Variants in PTPN14 observed in about 807,000 individuals in gnomAD.
PTPN14 encodes tyrosine-protein phosphatase non-receptor type 14.
A neutral mutation model predicts 126.8 loss-of-function variants in PTPN14; 53 were observed. That is an observed-to-expected ratio of 0.42 (90% CI 0.34 to 0.53). PTPN14 has a LOEUF of 0.53. Among genes scored for constraint, PTPN14 ranks in the 20% least tolerant of loss-of-function variants. PTPN14 has a pLI of 0.08. For missense variants in PTPN14, 1,257 were observed against 1,552.9 expected (o/e 0.81, Z 3.20); for synonymous variants, 630 against 599.3 (o/e 1.05, Z -0.75).
chr1:214,385,984 G>T (rs1658599341), intron 12 of PTPN14, among the ~76,000 whole-genome samples: 1 of 152,138 alleles, frequency 6.6e-6, no homozygotes, highest in East Asian at 1.9e-4. Flanking sequence ...ATTCAAAATG[G>T]CCAGGAGTTG....
At chr1:214,416,570 C>T (rs890369532) in intron 3 of PTPN14, among the ~76,000 whole-genome samples, 3 of 152,160 alleles carry the variant, frequency 2.0e-5, no homozygotes, top group African/African-American at 7.2e-5. Context: ...ACACCAGGAA[C>T]ATTCCTAATC....
chr1:214,380,280 A>AG (rs1658442689), intron 13 of PTPN14, among the ~76,000 whole-genome samples: 2 of 152,150 alleles, frequency 1.3e-5, no homozygotes. Context: ...CTGCACTGTA[A>AG]GGTGACCCTA....
Position 214,390,891 on chromosome 1 carries a change from ACCT to A in PTPN14, c.987+94_987+96del, listed in dbSNP as rs1053935708. On this transcript the variant is annotated intron_variant, in intron 11 of 18. Transcript: ENST00000366956. ...CGCCTCTGTGTTCTCACAAAATTTCACCTCATCATGATGCCCTCATCATCCCCC... is the reference window on the plus strand; with the variant it reads ...CGCCTCTGTGTTCTCACAAAATTTCACATCATGATGCCCTCATCATCCCCC... 1.9e-4 allele frequency: 195 copies of A among 1,032,130 alleles called. No homozygotes were observed. In the African/African-American group the frequency reaches 2.9e-3, roughly 16 times the overall value. 63.9% of individuals were successfully genotyped at this position (1,032,130 alleles called of 1,614,324 possible).
rs781034500 is a variant in PTPN14 at position 214,402,880 on chromosome 1, T to C, written c.581+3A>G. 6.2e-7 allele frequency: 1 copy of C among 1,613,892 alleles called. No homozygotes were observed. Among genetic ancestry groups the C allele is most frequent in the South Asian group, 1.1e-5 (1 of 91,070 alleles). ...GCAGCCCCTTACCCTCTGCCTGCCT[T>C]ACCTGTGGGCTTTGTGTTCTTGGGC... On this transcript the variant is annotated splice_donor_region_variant and intron_variant, in intron 6 of 18. Transcript: ENST00000366956.
chr1:214,481,405 G>C (rs1660982412), intron 1 of PTPN14, among the ~76,000 whole-genome samples: 1 of 150,664 alleles, frequency 6.6e-6, no homozygotes, highest in Admixed American at 6.6e-5. Context: ...CAGCTACTTG[G>C]GAGGCTGAGG....
intron 8 of PTPN14, 115 bp from the exon 9 acceptor site, chr1:214,395,101 AT>A (rs1658847978): frequency 1.1e-6 from 1 of 894,916 alleles, no homozygotes; most frequent in Non-Finnish European, 1.8e-6. Flanking sequence ...TGATTTAACT[AT>A]TTTTTAAGTG....
intron 3 of PTPN14, 88 bp from the exon 4 acceptor site, chr1:214,414,814 C>G: frequency 9.7e-7 from 1 of 1,033,556 alleles, no homozygotes; most frequent in South Asian, 1.3e-5. Context: ...GATGTAAAAC[C>G]TTGTGTACAC....
intron 1 of PTPN14, among the ~76,000 whole-genome samples, chr1:214,492,043 T>G (rs994264623): frequency 4.6e-5 from 7 of 152,180 alleles, no homozygotes; most frequent in African/African-American, 1.7e-4. Flanking sequence ...TCATTTCAAA[T>G]AGAGGATTTT....
intron 1 of PTPN14, among the ~76,000 whole-genome samples, chr1:214,482,472 T>A (rs529665899): frequency 6.6e-6 from 1 of 152,208 alleles, no homozygotes; most frequent in Admixed American, 6.5e-5. Flanking sequence ...CACCAACATT[T>A]TAGGTTGCAC....
At chr1:214,515,271 C>T (rs1223302819) in intron 1 of PTPN14, among the ~76,000 whole-genome samples, 1 of 151,940 alleles carries the variant, frequency 6.6e-6, no homozygotes. Flanking sequence ...AAAAAATACT[C>T]TTAGATGTAA....
intron 1 of PTPN14, among the ~76,000 whole-genome samples, chr1:214,513,409 T>C (rs1655023882): frequency 1.3e-5 from 2 of 151,482 alleles, no homozygotes; most frequent in African/African-American, 4.9e-5. Flanking sequence ...AACATCAAAA[T>C]ATCTCACATA....
intron 11 of PTPN14, among the ~76,000 whole-genome samples, chr1:214,390,481 T>TA (rs1658723425): frequency 6.6e-6 from 1 of 152,214 alleles, no homozygotes; most frequent in African/African-American, 2.4e-5. Context: ...TGATTTTTTT[T>TA]AAAAGGCCTA....
rs139038491 is a variant in PTPN14, at chr1:214,533,078, G to T, written c.-155+18105C>A. The T allele has an allele frequency of 3.4e-5, 25 of 736,902 alleles. No individual in the cohort carries two copies. The East Asian group carries it at 6.2e-4, about 18-fold the overall frequency. 45.6% of individuals were successfully genotyped at this position (736,902 alleles called of 1,614,324 possible). A position where few individuals can be genotyped will look rare whatever the true frequency, so the allele number is the denominator to read the frequency against. On this transcript the variant is annotated intron_variant, in intron 1 of 18. Coordinates refer to ENST00000366956, the MANE Select transcript of PTPN14 (RefSeq NM_005401.5). ...GAGATGACACTCACGGAGCTGGGACGTACGGTCCAGTCCTTGGAGATCGAC... is the reference window on the plus strand; with the variant it reads ...GAGATGACACTCACGGAGCTGGGACTTACGGTCCAGTCCTTGGAGATCGAC...
At chr1:214,475,924 G>T (rs4233305) in intron 1 of PTPN14, among the ~76,000 whole-genome samples, 2 of 152,218 alleles carry the variant, frequency 1.3e-5, no homozygotes, top group African/African-American at 4.8e-5. Context: ...CGCAGAAAGA[G>T]GGTTATCAGC....
chr1:214,452,610 C>G (rs535549461), intron 2 of PTPN14, among the ~76,000 whole-genome samples: 1 of 152,312 alleles, frequency 6.6e-6, no homozygotes, highest in South Asian at 2.1e-4. Context: ...GCTGCAGGAG[C>G]CCCTGGTGGC....
intron 1 of PTPN14, among the ~76,000 whole-genome samples, chr1:214,512,646 A>T (rs1292874591): frequency 1.3e-5 from 2 of 152,202 alleles, no homozygotes; most frequent in Non-Finnish European, 2.9e-5. Context: ...TTGCACACTT[A>T]AAAAATTTTA....
At chr1:214,377,491 G>A (rs1287253853) in intron 14 of PTPN14, among the ~76,000 whole-genome samples, 2 of 152,024 alleles carry the variant, frequency 1.3e-5, no homozygotes, top group Non-Finnish European at 2.9e-5. Context: ...GTTTACCTAT[G>A]TAATAAACCT....
chr1:214,520,329 C>T (rs929407547), intron 1 of PTPN14, among the ~76,000 whole-genome samples: 4 of 151,810 alleles, frequency 2.6e-5, no homozygotes, highest in Non-Finnish European at 4.4e-5. Flanking sequence ...ATAAAAATGA[C>T]GAAACTGAGA....
chr1:214,508,259 T>C (rs1558134551), intron 1 of PTPN14, among the ~76,000 whole-genome samples: 1 of 152,230 alleles, frequency 6.6e-6, no homozygotes, highest in African/African-American at 2.4e-5. Flanking sequence ...GTAGAGTATC[T>C]TTCCAAATTG....
Sources: allele counts gnomAD v4.1 joint callset (sites outside exome capture counted in the v4.1 genomes callset), GRCh38; gene constraint gnomAD v4.1.1; transcripts MANE v1.5; gene names NCBI Gene and HGNC (gene_info 2026-07-23, HGNC 2026-07-21).